The following MYO16 variants were observed in gnomAD, a reference collection of about 807,000 sequenced individuals.
MYO16 encodes unconventional myosin-XVI.
In MYO16, 94 loss-of-function variants were observed where a neutral mutation model predicts 205.3. That is an observed-to-expected ratio of 0.46 (90% CI 0.39 to 0.54). The LOEUF (loss-of-function observed/expected upper bound fraction) is 0.54. Ranked by LOEUF, MYO16 falls within the 20% of genes least tolerant of loss-of-function variation. The probability of loss-of-function intolerance (pLI) is 0.00; values close to 1 mark genes in which losing one functional copy is unlikely to be tolerated. For missense variants in MYO16, 2,315 were observed against 2,387.5 expected (o/e 0.97, Z 0.63); for synonymous variants, 988 against 954.0 (o/e 1.04, Z -0.66).
intron 29 of MYO16, among the ~76,000 whole-genome samples, chr13:109,124,510 T>A (rs1337141931): frequency 6.6e-6 from 1 of 152,218 alleles, no homozygotes; most frequent in Non-Finnish European, 1.5e-5. Context: ...ATTCTTGTAT[T>A]TGTTACTGAC....
intron 1 of MYO16, among the ~76,000 whole-genome samples, chr13:108,597,552 C>T (rs182303609): frequency 6.6e-6 from 1 of 152,136 alleles, no homozygotes; most frequent in African/African-American, 2.4e-5. Context: ...TCCTGTCAGT[C>T]ACCTTGGTAA....
At chr13:108,727,945 G>A (rs1299393451) in intron 4 of MYO16, among the ~76,000 whole-genome samples, 1 of 152,004 alleles carries the variant, frequency 6.6e-6, no homozygotes, top group African/African-American at 2.4e-5. Context: ...GGTTTATATT[G>A]AATCTTTTTT....
At chr13:108,596,847 A>G (rs188299898) in intron 1 of MYO16, among the ~76,000 whole-genome samples, 6 of 152,324 alleles carry the variant, frequency 3.9e-5, no homozygotes, top group Admixed American at 3.9e-4. Flanking sequence ...AACAATCACT[A>G]CCATTTGATA....
intron 6 of MYO16, among the ~76,000 whole-genome samples, chr13:108,800,987 A>G (rs1024282142): frequency 3.9e-5 from 6 of 152,240 alleles, no homozygotes; most frequent in Admixed American, 2.0e-4. Flanking sequence ...AAACACAGAA[A>G]TGTTAATATC....
At chr13:109,069,395 A>G (rs1302287237) in intron 27 of MYO16, among the ~76,000 whole-genome samples, 1 of 152,230 alleles carries the variant, frequency 6.6e-6, no homozygotes, top group East Asian at 1.9e-4. Flanking sequence ...ACATCTTGGT[A>G]GAGCTGAGAC....
At chr13:108,850,549 G>C (rs898978346) in intron 10 of MYO16, among the ~76,000 whole-genome samples, 2 of 152,116 alleles carry the variant, frequency 1.3e-5, no homozygotes, top group African/African-American at 2.4e-5. Context: ...GTACTTATCT[G>C]GTAATTATTG....
chr13:108,762,633 T>C (rs1472316560), intron 4 of MYO16, among the ~76,000 whole-genome samples: 3 of 152,200 alleles, frequency 2.0e-5, no homozygotes, highest in Non-Finnish European at 4.4e-5. Flanking sequence ...CATCTTCGAC[T>C]TACAGTTCTT....
chr13:108,619,425 T>C (rs901410701), intron 1 of MYO16, among the ~76,000 whole-genome samples: 1 of 152,196 alleles, frequency 6.6e-6, no homozygotes. Context: ...ACTTCCGATC[T>C]GTATCTTTTC....
chr13:109,119,619 T>C (rs1875887251), intron 28 of MYO16, among the ~76,000 whole-genome samples: 1 of 152,218 alleles, frequency 6.6e-6, no homozygotes, highest in Non-Finnish European at 1.5e-5. Context: ...CTTACAGCTA[T>C]GTGTTAAGAA....
chr13:108,996,824 T>A (rs1885016317), intron 21 of MYO16, among the ~76,000 whole-genome samples: 1 of 152,232 alleles, frequency 6.6e-6, no homozygotes. Flanking sequence ...GAATTTTTTC[T>A]CTCTAAACAT....
intron 20 of MYO16, among the ~76,000 whole-genome samples, chr13:108,987,336 A>G (rs1884675572): frequency 6.6e-6 from 1 of 152,168 alleles, no homozygotes; most frequent in Non-Finnish European, 1.5e-5. Context: ...TCAAAGAATA[A>G]AAGAGAGGAA....
the MYO16 span, among the ~76,000 whole-genome samples, chr13:108,563,271 A>T: frequency 6.6e-6 from 1 of 152,164 alleles, no homozygotes; most frequent in Non-Finnish European, 1.5e-5. Flanking sequence ...AATGCATATA[A>T]TCATGTCATG....
chr13:108,814,264 G>T (rs1887382270), intron 7 of MYO16, among the ~76,000 whole-genome samples: 1 of 152,070 alleles, frequency 6.6e-6, no homozygotes, highest in Non-Finnish European at 1.5e-5. Context: ...AGATATAAAA[G>T]CTTTAGCATT....
the MYO16 span, among the ~76,000 whole-genome samples, chr13:108,524,574 A>G: frequency 6.6e-6 from 1 of 152,202 alleles, no homozygotes; most frequent in Admixed American, 6.5e-5. Flanking sequence ...ATAGCAATGT[A>G]AGAACTGTAA....
the MYO16 span, among the ~76,000 whole-genome samples, chr13:108,590,373 G>A: frequency 6.6e-6 from 1 of 152,088 alleles, no homozygotes; most frequent in East Asian, 1.9e-4. Context: ...GCCGAGTATT[G>A]ATATAATTTT....
intron 32 of MYO16, among the ~76,000 whole-genome samples, chr13:109,164,698 C>A (rs1381944974): frequency 1.3e-5 from 2 of 152,172 alleles, no homozygotes; most frequent in Non-Finnish European, 2.9e-5. Flanking sequence ...ATTGTTACCA[C>A]TTGACATTTT....
the MYO16 span, among the ~76,000 whole-genome samples, chr13:108,541,844 C>A: frequency 1.3e-5 from 2 of 152,060 alleles, no homozygotes; most frequent in Non-Finnish European, 2.9e-5. Context: ...GAAATGAGAA[C>A]TCTTATACAT....
intron 33 of MYO16, among the ~76,000 whole-genome samples, chr13:109,171,835 A>G (rs1878933774): frequency 6.6e-6 from 1 of 152,202 alleles, no homozygotes; most frequent in Non-Finnish European, 1.5e-5. Context: ...AAAAATTGCA[A>G]TTAAAGAATA....
chr13:108,894,988 A>G (rs1052041145), intron 14 of MYO16, among the ~76,000 whole-genome samples: 1 of 152,230 alleles, frequency 6.6e-6, no homozygotes, highest in Non-Finnish European at 1.5e-5. Context: ...TTTCAACTTT[A>G]AGAATATTCA....
Sources: gnomAD v4.1 joint callset for allele counts (sites outside exome capture counted in the v4.1 genomes callset) on GRCh38, gnomAD v4.1.1 for gene constraint, MANE v1.5 for transcripts, NCBI Gene and HGNC (gene_info 2026-07-23, HGNC 2026-07-21) for gene names.